EXOC6B: variants seen among roughly 807,000 people sequenced by gnomAD.
The protein encoded by EXOC6B is SEC15 homolog B.
In EXOC6B, 54 loss-of-function variants were observed where a neutral mutation model predicts 113.5. That is an observed-to-expected ratio of 0.48 (90% CI 0.38 to 0.60). The LOEUF is 0.60. Among genes scored for constraint, EXOC6B ranks in the 20% least tolerant of loss-of-function variants. The pLI, the probability that EXOC6B is intolerant of heterozygous loss-of-function variation, is 0.00. For synonymous variants in EXOC6B, 357 were observed against 339.0 expected, an observed-to-expected ratio of 1.05 and a Z score of -0.58; for missense variants, 797 against 977.5, an observed-to-expected ratio of 0.82 and a Z score of 2.46.
chr2:72,693,691 G>T (rs1015097751), intron 6 of EXOC6B, among the ~76,000 whole-genome samples: 1 of 152,136 alleles, frequency 6.6e-6, no homozygotes, highest in African/African-American at 2.4e-5. Context: ...TATTATTGTG[G>T]CTGCTTTGTA....
At chr2:72,477,151 C>T (rs1433098184) in intron 17 of EXOC6B, among the ~76,000 whole-genome samples, 1 of 152,180 alleles carries the variant, frequency 6.6e-6, no homozygotes, top group East Asian at 1.9e-4. Context: ...CACTGGTGAA[C>T]TCTAAATTTT....
chr2:72,661,448 T>C (rs761176041), intron 6 of EXOC6B, among the ~76,000 whole-genome samples: 1 of 147,984 alleles, frequency 6.8e-6, no homozygotes, highest in Non-Finnish European at 1.5e-5. Flanking sequence ...ATCAATATCA[T>C]AAATATCAAC....
At chr2:72,663,455 G>A (rs1327454500) in intron 6 of EXOC6B, among the ~76,000 whole-genome samples, 1 of 152,160 alleles carries the variant, frequency 6.6e-6, no homozygotes, top group Non-Finnish European at 1.5e-5. Context: ...AGCTATGAAG[G>A]TTTTCTTGAA....
At chr2:72,550,903 C>CT (rs1703174939) in intron 8 of EXOC6B, among the ~76,000 whole-genome samples, 1 of 150,298 alleles carries the variant, frequency 6.7e-6, no homozygotes, top group African/African-American at 2.5e-5. Context: ...AGATAACTGC[C>CT]ATTTATTTTT....
At chr2:72,323,784 A>G (rs1286557860) in intron 20 of EXOC6B, among the ~76,000 whole-genome samples, 2 of 146,978 alleles carry the variant, frequency 1.4e-5, no homozygotes, top group African/African-American at 2.5e-5. Flanking sequence ...GAGCTGAACA[A>G]TGAGAAGACA....
In EXOC6B at chr2:72,359,935, C is replaced by T. The variant is rs182964380; in HGVS notation, c.2122+19794G>A. ...CCCACTTCTCTTGCTGGTTCTCTTGCCATGTGACATGCTGGCTCCCCCTTC... is the reference window on the plus strand; with the variant it reads ...CCCACTTCTCTTGCTGGTTCTCTTGTCATGTGACATGCTGGCTCCCCCTTC... On this transcript the variant is annotated intron_variant, in intron 19 of 21. Transcript: ENST00000272427. 1.8e-3 allele frequency among the ~76,000 whole-genome samples: 274 copies of T among 152,208 alleles called. 1 individual carries two copies. The highest frequency in any genetic ancestry group is 5.5e-3 in the Admixed American group (84 of 15,284).
intron 1 of EXOC6B, among the ~76,000 whole-genome samples, chr2:72,743,429 C>G (rs999201276): frequency 6.6e-6 from 1 of 152,202 alleles, no homozygotes; most frequent in Admixed American, 6.5e-5. Context: ...AAATTCCCTT[C>G]CATCCTCTAA....
At chr2:72,670,099 G>T (rs1315667396) in intron 6 of EXOC6B, among the ~76,000 whole-genome samples, 2 of 152,110 alleles carry the variant, frequency 1.3e-5, no homozygotes, top group African/African-American at 4.8e-5. Context: ...GCTGCTTATG[G>T]CATTTAAACT....
chr2:72,205,781 G>T (rs1679807008), intron 20 of EXOC6B, among the ~76,000 whole-genome samples: 1 of 152,160 alleles, frequency 6.6e-6, no homozygotes. Flanking sequence ...GAATCAGCCA[G>T]GAGTCAAAAA....
At chr2:72,186,794 A>G (rs1435955953) in intron 20 of EXOC6B, among the ~76,000 whole-genome samples, 1 of 152,226 alleles carries the variant, frequency 6.6e-6, no homozygotes, top group Non-Finnish European at 1.5e-5. Flanking sequence ...TTTCTGGTTA[A>G]TGACACATGG....
intron 2 of EXOC6B, among the ~76,000 whole-genome samples, chr2:72,740,983 A>G (rs895006492): frequency 1.3e-5 from 2 of 151,996 alleles, no homozygotes; most frequent in African/African-American, 2.4e-5. Context: ...GGGCGCCTGT[A>G]GTCCCAGCTA....
At chr2:72,742,657 C>T (rs934935692) in intron 1 of EXOC6B, among the ~76,000 whole-genome samples, 1 of 152,194 alleles carries the variant, frequency 6.6e-6, no homozygotes, top group African/African-American at 2.4e-5. Flanking sequence ...TGATACCATA[C>T]TAACATGTTT....
chr2:72,194,199 T>C (rs1426428755), intron 20 of EXOC6B, among the ~76,000 whole-genome samples: 1 of 152,160 alleles, frequency 6.6e-6, no homozygotes, highest in South Asian at 2.1e-4. Context: ...TAAAATTCAT[T>C]ATCTTAACAA....
chr2:72,403,404 G>A (rs145004230), intron 18 of EXOC6B, among the ~76,000 whole-genome samples: 108 of 152,234 alleles, frequency 7.1e-4, no homozygotes, highest in African/African-American at 2.5e-3. Context: ...ACATACTCTA[G>A]GGCCCAGTGT....
At chr2:72,267,598 G>A (rs1684213671) in intron 20 of EXOC6B, among the ~76,000 whole-genome samples, 1 of 152,140 alleles carries the variant, frequency 6.6e-6, no homozygotes, top group African/African-American at 2.4e-5. Context: ...GCATCCCAGG[G>A]ATGAAGCCCA....
intron 20 of EXOC6B, among the ~76,000 whole-genome samples, chr2:72,312,553 A>G (rs1040479870): frequency 1.3e-5 from 2 of 152,026 alleles, no homozygotes; most frequent in Non-Finnish European, 2.9e-5. Flanking sequence ...GTCTATTGCT[A>G]GTGAGGATGA....
At chr2:72,307,821 C>T (rs77349475) in intron 20 of EXOC6B, among the ~76,000 whole-genome samples, 4,187 of 152,196 alleles carry the variant, frequency 0.028, 208 homozygotes, top group African/African-American at 0.095. Flanking sequence ...AGTTCTTATA[C>T]ATCTCTTCCA....
At chr2:72,796,891 A>G (rs1161510903) in intron 1 of EXOC6B, among the ~76,000 whole-genome samples, 2 of 152,230 alleles carry the variant, frequency 1.3e-5, no homozygotes, top group African/African-American at 4.8e-5. Flanking sequence ...GAGCACCCAT[A>G]AAAGAGGAGG....
chr2:72,661,732 C>T (rs1675031939), intron 6 of EXOC6B, among the ~76,000 whole-genome samples: 1 of 151,640 alleles, frequency 6.6e-6, no homozygotes, highest in Non-Finnish European at 1.5e-5. Context: ...AGCAAAGAAA[C>T]CAGAATGTTA....
Sources: allele counts gnomAD v4.1 joint callset (sites outside exome capture counted in the v4.1 genomes callset), GRCh38; gene constraint gnomAD v4.1.1; transcripts MANE v1.5; gene names NCBI Gene and HGNC (gene_info 2026-07-23, HGNC 2026-07-21).